AK8: variants seen among roughly 807,000 people sequenced by gnomAD.
The protein encoded by AK8 is ATP-AMP transphosphorylase 8.
A neutral mutation model predicts 54.6 loss-of-function variants in AK8; 44 were observed. The observed-to-expected ratio is 0.81, with a 90% CI of 0.63 to 1.04. The LOEUF (loss-of-function observed/expected upper bound fraction) is 1.04. Among genes scored for constraint, AK8 ranks in the 50% least tolerant of loss-of-function variants. AK8 has a pLI of 0.00. For synonymous variants in AK8, 239 were observed against 245.6 expected, an observed-to-expected ratio of 0.97 and a Z score of 0.25; for missense variants, 555 against 613.6, an observed-to-expected ratio of 0.90 and a Z score of 1.01.
rs1227148611 is a variant in AK8 at position 132,826,130 on chromosome 9, G to T, written c.757+724C>A. 1.3e-5 allele frequency among the ~76,000 whole-genome samples: 2 copies of T among 152,178 alleles called. No homozygotes were observed. Among genetic ancestry groups the T allele is most frequent in the East Asian group, 3.9e-4 (2 of 5,192 alleles). On this transcript the variant is annotated intron_variant, in intron 8 of 12. Transcript: ENST00000298545. The surrounding 1 kb of genome is among the most constrained non-coding windows in gnomAD (Gnocchi z 4.5). Reference sequence around the variant, plus strand: ...CTTGTGGCTGTGGACACGTGATTTGGAGAATCCCATTTAATCCTCACCTAC... The same window carrying T: ...CTTGTGGCTGTGGACACGTGATTTGTAGAATCCCATTTAATCCTCACCTAC...
chr9:132,850,860 G>C (rs1325161273), intron 5 of AK8, among the ~76,000 whole-genome samples: 3 of 146,154 alleles, frequency 2.1e-5, no homozygotes, highest in Non-Finnish European at 4.5e-5. Flanking sequence ...TCAAGTGAGA[G>C]ACAGATGGAG....
intron 11 of AK8, among the ~76,000 whole-genome samples, chr9:132,752,584 C>T (rs921497692): frequency 1.3e-5 from 2 of 152,152 alleles, no homozygotes; most frequent in African/African-American, 4.8e-5. Context: ...AGTAGATGCC[C>T]TGTGTAATCA....
chr9:132,800,538 C>A (rs550038414), intron 10 of AK8, among the ~76,000 whole-genome samples: 1 of 152,122 alleles, frequency 6.6e-6, no homozygotes, highest in Non-Finnish European at 1.5e-5. Flanking sequence ...CCCATCTGGC[C>A]GGGCCTTGGT....
chr9:132,798,693 T>G (rs1405883816), intron 10 of AK8, among the ~76,000 whole-genome samples: 2 of 152,056 alleles, frequency 1.3e-5, no homozygotes, highest in East Asian at 1.9e-4. Flanking sequence ...TCGTTTGTTT[T>G]TTTTTTTTTT....
In AK8 at chr9:132,739,999, C is replaced by T. The variant is rs371942881; in HGVS notation, c.1122-12465G>A. ...ACCAGCTTTTAGCAGTGAGGAGGGA[C>T]GACCCCTGATTTGTAGCATTTGCCA... On this transcript the variant is annotated intron_variant, in intron 11 of 12. Transcript: ENST00000298545. 1.1e-3 allele frequency among the ~76,000 whole-genome samples: 165 copies of T among 152,332 alleles called. 3 individuals are homozygous for T. The South Asian group carries it at 0.022, about 20-fold the overall frequency.
chr9:132,826,757 A>T lies in AK8; in HGVS notation c.757+97T>A. 1 of 1,373,218 alleles carries T rather than the reference A, an allele frequency of 7.3e-7. No homozygotes were observed. Among genetic ancestry groups the T allele is most frequent in the Admixed American group, 1.8e-5 (1 of 55,430 alleles). 85.1% of individuals were successfully genotyped at this position (1,373,218 alleles called of 1,614,324 possible). On this transcript the variant is annotated intron_variant, in intron 8 of 12. Coordinates refer to ENST00000298545, the MANE Select transcript of AK8 (RefSeq NM_152572.3). This position sits in a 1 kb window ranked among gnomAD's most constrained non-coding sequence, Gnocchi z 4.5. ...CCAGGGTCCCAGGCATGTCCCAGAC[A>T]CTGGCCACTACCAGAATAAGGGACA...
chr9:132,785,104 CTTT>C (rs550073031), intron 11 of AK8, among the ~76,000 whole-genome samples: 12 of 133,218 alleles, frequency 9.0e-5, no homozygotes, highest in African/African-American at 8.2e-5. Flanking sequence ...GTGGGATACT[CTTT>C]TTTTTTTTTT....
chr9:132,860,899 C>T lies in AK8; in HGVS notation c.333+2766G>A, dbSNP rs1288437310. Among the ~76,000 whole-genome samples, 1 of 152,160 alleles carries T rather than the reference C, an allele frequency of 6.6e-6. No individual in the cohort carries two copies. Among genetic ancestry groups the T allele is most frequent in the Non-Finnish European group, 1.5e-5 (1 of 68,030 alleles). ...CCATTGTCCACACTGAATATTCAAT[C>T]TCAGTAGATCTGGACTAAAACACCC... On this transcript the variant is annotated intron_variant, in intron 4 of 12. Transcript: ENST00000298545. The surrounding 1 kb of genome is among the most constrained non-coding windows in gnomAD (Gnocchi z 4.4).
Position 132,752,251 on chromosome 9 carries a change from C to CTT in AK8, c.1122-24719_1122-24718dup, listed in dbSNP as rs753096887. 1.2e-3 allele frequency among the ~76,000 whole-genome samples: 159 copies of CTT among 133,998 alleles called. 4 individuals are homozygous for CTT. The South Asian group carries it at 0.013, about 11-fold the overall frequency. The allele number at this position is 133,998 out of a possible 152,430, so 87.9% of individuals were successfully genotyped here. On this transcript the variant is annotated intron_variant, in intron 11 of 12. Transcript: ENST00000298545. ...ATTTTTACTTAGCTACATTTTCTAA[C>CTT]TTTTTTTTTTTTTTTTTTGAGACGG...
Position 132,725,604 on chromosome 9 carries a change from T to G in AK8, c.*84A>C. 1 of 1,285,310 alleles carries G rather than the reference T, an allele frequency of 7.8e-7. No individual in the cohort carries two copies. Among genetic ancestry groups the G allele is most frequent in the Non-Finnish European group, 1.1e-6 (1 of 929,326 alleles). The allele number at this position is 1,285,310 out of a possible 1,614,324, so 79.6% of individuals were successfully genotyped here. A position where few individuals can be genotyped will look rare whatever the true frequency, so the allele number is the denominator to read the frequency against. ...TGTATCCAGCAGGCTTTATTGGCTT[T>G]TTAGGGGAGCTGTGCCGAGGCTGGG... On this transcript the variant is annotated 3_prime_UTR_variant, in exon 13 of 13. Transcript: ENST00000298545.
rs1836545161 is a variant in AK8 at position 132,725,926 on chromosome 9, C to G, written c.1203-1G>C. ...AGGTGGCTTGTACATGAGGTGGTAC[C>G]TGCAAGGGAGGAAGGAAAGCAGGTG... On this transcript the variant is annotated splice_acceptor_variant, in intron 12 of 12. Transcript: ENST00000298545. LOFTEE classifies it high-confidence loss of function. 6.2e-7 allele frequency: 1 copy of G among 1,609,092 alleles called. No homozygotes were observed. Among genetic ancestry groups the G allele is most frequent in the Non-Finnish European group, 8.5e-7 (1 of 1,177,816 alleles).
rs548966974 is a variant in AK8 at position 132,734,516 on chromosome 9, G to C, written c.1122-6982C>G. On this transcript the variant is annotated intron_variant, in intron 11 of 12. Coordinates refer to ENST00000298545, the MANE Select transcript of AK8 (RefSeq NM_152572.3). ...TGTGGAAGGCTGACACAGGAGCATCGCTTGAGCTCAGGAGTTCAAGACCAA... is the reference window on the plus strand; with the variant it reads ...TGTGGAAGGCTGACACAGGAGCATCCCTTGAGCTCAGGAGTTCAAGACCAA... Among the ~76,000 whole-genome samples the C allele has an allele frequency of 2.3e-4, 35 of 152,252 alleles. No homozygotes were observed. In the East Asian group the frequency reaches 6.4e-3, roughly 28 times the overall value.
chr9:132,803,297 T>C lies in AK8; in HGVS notation c.980-10522A>G, dbSNP rs1840553918. On this transcript the variant is annotated intron_variant, in intron 10 of 12. Transcript: ENST00000298545. The surrounding 1 kb of genome is among the most constrained non-coding windows in gnomAD (Gnocchi z 4.4). ...ACCATATCACGGAGCATCAGAGTAA[T>C]GCAAACTGGAGCTTTGTCAGTTCCC... Among the ~76,000 whole-genome samples the C allele has an allele frequency of 6.6e-6, 1 of 152,130 alleles. No individual in the cohort carries two copies. Among genetic ancestry groups the C allele is most frequent in the South Asian group, 2.1e-4 (1 of 4,832 alleles).
chr9:132,733,929 G>A (rs923766328), intron 11 of AK8, among the ~76,000 whole-genome samples: 4 of 152,084 alleles, frequency 2.6e-5, no homozygotes, highest in Non-Finnish European at 5.9e-5. Flanking sequence ...GGATGCTTCC[G>A]GAAGGGAGGT....
chr9:132,748,518 A>G lies in AK8; in HGVS notation c.1122-20984T>C, dbSNP rs140751555. Among the ~76,000 whole-genome samples, 205 of 152,038 alleles carry G rather than the reference A, an allele frequency of 1.3e-3. 3 individuals carry two copies. Among genetic ancestry groups the G allele is most frequent in the African/African-American group, 4.7e-3 (197 of 41,534 alleles). ...GCAAATCAATGCCTCTGGTTTAAGA[A>G]AATCAAAAGATGTTCATTCATTCAT... is the stretch of plus-strand genomic sequence containing the variant. On this transcript the variant is annotated intron_variant, in intron 11 of 12. Coordinates refer to ENST00000298545, the MANE Select transcript of AK8 (RefSeq NM_152572.3).
intron 11 of AK8, among the ~76,000 whole-genome samples, chr9:132,730,468 A>G (rs1253489869): frequency 6.6e-6 from 1 of 151,584 alleles, no homozygotes; most frequent in Non-Finnish European, 1.5e-5. Context: ...CTTGCCAAAA[A>G]AACTCATCTA....
At chr9:132,831,952 C>T (rs998851754) in intron 5 of AK8, among the ~76,000 whole-genome samples, 3 of 149,388 alleles carry the variant, frequency 2.0e-5, no homozygotes, top group Non-Finnish European at 4.4e-5. Context: ...ATCCCAGCTA[C>T]TTGGGAGGCT....
chr9:132,784,891 A>C (rs1478677375), intron 11 of AK8, among the ~76,000 whole-genome samples: 16 of 152,206 alleles, frequency 1.1e-4, no homozygotes. Context: ...TTTTAAAGAG[A>C]ATAAAAACTT....
Position 132,861,233 on chromosome 9 carries a change from C to T in AK8, c.333+2432G>A, listed in dbSNP as rs539686963. 1.5e-4 allele frequency among the ~76,000 whole-genome samples: 23 copies of T among 152,326 alleles called. No individual in the cohort carries two copies. The East Asian group carries it at 3.5e-3, about 23-fold the overall frequency. ...CCATGCCTTAGAACATTACAGTGTG[C>T]CCTTTGGGAAGGCTTTGCTTAGTGT... On this transcript the variant is annotated intron_variant, in intron 4 of 12. Transcript: ENST00000298545.
Sources: gnomAD v4.1 joint callset for allele counts (sites outside exome capture counted in the v4.1 genomes callset) on GRCh38, gnomAD v4.1.1 for gene constraint, Gnocchi (gnomAD v3.1) non-coding constraint, MANE v1.5 for transcripts, NCBI Gene and HGNC (gene_info 2026-07-23, HGNC 2026-07-21) for gene names.